Variants in SULF1 observed in about 807,000 individuals in gnomAD.
The protein encoded by SULF1 is sulfatase 1, also known as extracellular sulfatase Sulf-1.
In SULF1, 46 loss-of-function variants were observed where a neutral mutation model predicts 110.5. The observed-to-expected ratio is 0.42, with a 90% CI of 0.33 to 0.53. SULF1 has a LOEUF of 0.53. SULF1 is among the 20% of genes least tolerant of loss of function. The pLI is 0.12. For missense variants in SULF1, 941 were observed against 1,094.2 expected, an observed-to-expected ratio of 0.86 and a Z score of 1.98; for synonymous variants, 371 against 387.1, an observed-to-expected ratio of 0.96 and a Z score of 0.49.
At chr8:69,531,055 G>T (rs1813046217) in intron 3 of SULF1, among the ~76,000 whole-genome samples, 1 of 152,148 alleles carries the variant, frequency 6.6e-6, no homozygotes, top group South Asian at 2.1e-4. Flanking sequence ...AAAACTGAGG[G>T]TGATTTGTCC....
chr8:69,561,437 A>G, intron 3 of SULF1, among the ~76,000 whole-genome samples: 1 of 152,242 alleles, frequency 6.6e-6, no homozygotes, highest in East Asian at 1.9e-4. Flanking sequence ...GGTATCATTA[A>G]AGCTAATTTG....
At chr8:69,562,155 A>G (rs1346725502) in intron 3 of SULF1, among the ~76,000 whole-genome samples, 1 of 152,252 alleles carries the variant, frequency 6.6e-6, no homozygotes, top group Non-Finnish European at 1.5e-5. Flanking sequence ...CTCTTGCAGT[A>G]TAATTACAGG....
chr8:69,614,206 C>T (rs1318287048), intron 13 of SULF1, among the ~76,000 whole-genome samples: 1 of 152,176 alleles, frequency 6.6e-6, no homozygotes, highest in Non-Finnish European at 1.5e-5. Flanking sequence ...TGTGGCATAG[C>T]TTACTTGCTC....
intron 21 of SULF1, among the ~76,000 whole-genome samples, chr8:69,639,810 TC>T (rs1811324456): frequency 6.6e-6 from 1 of 152,128 alleles, no homozygotes; most frequent in Non-Finnish European, 1.5e-5. Flanking sequence ...GGGATTCCCA[TC>T]CCAGAATGAT....
intron 1 of SULF1, among the ~76,000 whole-genome samples, chr8:69,475,896 T>TA (rs1185112566): frequency 2.0e-5 from 3 of 151,898 alleles, no homozygotes; most frequent in African/African-American, 2.4e-5. Context: ...GCCTTAGATT[T>TA]AAAAAAAAAT....
intron 5 of SULF1, among the ~76,000 whole-genome samples, chr8:69,570,210 G>A (rs17646948): frequency 0.024 from 3,699 of 152,256 alleles, 49 homozygotes; most frequent in Middle Eastern, 0.041. Context: ...AACCATGAAT[G>A]CTCTAATCCA....
Position 69,494,644 on chromosome 8 carries a change from T to C in SULF1, c.-390-1121T>C, listed in dbSNP as rs545933668. 8.5e-5 allele frequency among the ~76,000 whole-genome samples: 13 copies of C among 152,316 alleles called. No individual in the cohort carries two copies. In the South Asian group the frequency reaches 2.7e-3, roughly 32 times the overall value. ...AAAGATGAACCACATAATCTCAGCA[T>C]TAGCCTCAAAGGCAAACTCAATCAT... is the stretch of plus-strand genomic sequence containing the variant. On this transcript the variant is annotated intron_variant, in intron 1 of 22. Coordinates refer to ENST00000402687, the MANE Select transcript of SULF1 (RefSeq NM_001128205.2).
chr8:69,624,491 T>A (rs1317972494), intron 15 of SULF1, among the ~76,000 whole-genome samples: 1 of 152,162 alleles, frequency 6.6e-6, no homozygotes, highest in African/African-American at 2.4e-5. Flanking sequence ...TTCCGTCACA[T>A]CTTGACTTAG....
At chr8:69,638,953 T>C in intron 21 of SULF1, 95 bp downstream of exon 21, 1 of 1,260,014 alleles carries the variant, frequency 7.9e-7, no homozygotes, top group Non-Finnish European at 1.1e-6. Flanking sequence ...CACAGAAACA[T>C]ATAATTCAAG....
rs1382010924 is a variant in SULF1, at chr8:69,554,983, AAAAAAAAAAAAAAAAC to A, written c.-133-8543_-133-8528del. 9.3e-3 allele frequency among the ~76,000 whole-genome samples: 949 copies of A among 102,574 alleles called. 18 individuals carry two copies. The highest frequency in any genetic ancestry group is 0.039 in the African/African-American group (845 of 21,814). The allele number at this position is 102,574 out of a possible 152,430, so 67.3% of individuals were successfully genotyped here. On this transcript the variant is annotated intron_variant, in intron 3 of 22. Coordinates refer to ENST00000402687, the MANE Select transcript of SULF1 (RefSeq NM_001128205.2). ...GACAGGGCGAGATTCCATCTCAAAAAAAAAAAAAAAAAAAACAAAAAAAAAAAACTTCATACATAAA... is the reference window on the plus strand; with the variant it reads ...GACAGGGCGAGATTCCATCTCAAAAAAAAAAAAAAAAACTTCATACATAAA...
At chr8:69,569,222 T>C (rs1805040232) in intron 5 of SULF1, among the ~76,000 whole-genome samples, 1 of 152,162 alleles carries the variant, frequency 6.6e-6, no homozygotes, top group Admixed American at 6.5e-5. Flanking sequence ...AAGCTATGAG[T>C]ACATGGAGAT....
chr8:69,599,777 G>T (rs971872348), intron 8 of SULF1, among the ~76,000 whole-genome samples: 2 of 152,182 alleles, frequency 1.3e-5, no homozygotes, highest in African/African-American at 4.8e-5. Flanking sequence ...CAGAGCGTGA[G>T]GTGGCAGCAT....
At chr8:69,561,756 A>C (rs190656646) in intron 3 of SULF1, among the ~76,000 whole-genome samples, 1 of 152,320 alleles carries the variant, frequency 6.6e-6, no homozygotes, top group African/African-American at 2.4e-5. Flanking sequence ...TTGCTACTTA[A>C]GGAACCAACC....
intron 3 of SULF1, among the ~76,000 whole-genome samples, chr8:69,519,220 C>T (rs549446487): frequency 4.7e-4 from 72 of 152,256 alleles, no homozygotes; most frequent in African/African-American, 1.3e-3. Context: ...CTTTTCTCCC[C>T]GCAAGGCAGT....
chr8:69,522,590 G>C (rs1455357497), intron 3 of SULF1, among the ~76,000 whole-genome samples: 1 of 152,194 alleles, frequency 6.6e-6, no homozygotes, highest in Non-Finnish European at 1.5e-5. Context: ...ATGTCAACAA[G>C]TATGTGAGTA....
chr8:69,549,989 G>A (rs1375600715), intron 3 of SULF1, among the ~76,000 whole-genome samples: 1 of 151,774 alleles, frequency 6.6e-6, no homozygotes, highest in Non-Finnish European at 1.5e-5. Context: ...GTGTGTGGCT[G>A]CAATACTGAT....
chr8:69,542,518 C>T (rs947741239), intron 3 of SULF1, among the ~76,000 whole-genome samples: 2 of 151,658 alleles, frequency 1.3e-5, no homozygotes, highest in Middle Eastern at 3.2e-3. Flanking sequence ...TTCACCTCTC[C>T]GAATCTGTTT....
chr8:69,588,007 A>C (rs372286393), intron 7 of SULF1, among the ~76,000 whole-genome samples: 5 of 152,320 alleles, frequency 3.3e-5, no homozygotes, highest in African/African-American at 1.2e-4. Context: ...CTGCTTTTGC[A>C]GCTGTTCTGG....
intron 3 of SULF1, among the ~76,000 whole-genome samples, chr8:69,544,761 G>A (rs1814129166): frequency 6.6e-6 from 1 of 152,194 alleles, no homozygotes. Flanking sequence ...ATAGACATGT[G>A]CCAACATTCC....
Sources: allele counts gnomAD v4.1 joint callset (sites outside exome capture counted in the v4.1 genomes callset), GRCh38; gene constraint gnomAD v4.1.1; transcripts MANE v1.5; gene names NCBI Gene and HGNC (gene_info 2026-07-23, HGNC 2026-07-21).